Variants in SGCD observed in about 807,000 individuals in gnomAD.
SGCD encodes the protein delta-sarcoglycan.
Under a neutral mutation model 36.6 loss-of-function variants are expected in SGCD, and 18 were observed. The observed-to-expected ratio is 0.49, with a 90% CI of 0.34 to 0.73. The LOEUF (loss-of-function observed/expected upper bound fraction) is 0.73, where lower values mean the gene tolerates loss of function less well. Ranked by LOEUF, SGCD falls within the 30% of genes least tolerant of loss-of-function variation. SGCD has a pLI of 0.01. For missense variants in SGCD, 387 were observed against 346.7 expected (o/e 1.12, Z -0.92); for synonymous variants, 133 against 130.6 (o/e 1.02, Z -0.12).
chr5:155,825,791 C>T, the SGCD span, among the ~76,000 whole-genome samples: 1 of 151,736 alleles, frequency 6.6e-6, no homozygotes, highest in African/African-American at 2.4e-5. Flanking sequence ...CTCTGTCACC[C>T]AAGCTGGAGT....
intron 7 of SGCD, among the ~76,000 whole-genome samples, chr5:156,679,903 C>T (rs1753659130): frequency 1.3e-5 from 2 of 152,164 alleles, no homozygotes; most frequent in South Asian, 4.1e-4. Context: ...CAGGATTTTA[C>T]CTTTTCTTCC....
At chr5:156,701,548 T>A (rs1235819335) in intron 7 of SGCD, among the ~76,000 whole-genome samples, 3 of 152,108 alleles carry the variant, frequency 2.0e-5, no homozygotes, top group African/African-American at 7.2e-5. Context: ...AAGTATCTAA[T>A]TGGGGATGGG....
intron 3 of SGCD, among the ~76,000 whole-genome samples, chr5:156,195,230 A>C (rs555796968): frequency 7.9e-5 from 12 of 152,334 alleles, no homozygotes; most frequent in African/African-American, 2.9e-4. Flanking sequence ...TACTGTGTTC[A>C]AAGAGAGAAG....
intron 7 of SGCD, among the ~76,000 whole-genome samples, chr5:156,725,822 A>G (rs1418254141): frequency 6.6e-6 from 1 of 152,204 alleles, no homozygotes; most frequent in East Asian, 1.9e-4. Context: ...ACACAATATA[A>G]TGAATGATCT....
At chr5:155,954,480 C>G (rs1025360798) in intron 1 of SGCD, among the ~76,000 whole-genome samples, 6 of 151,340 alleles carry the variant, frequency 4.0e-5, no homozygotes, top group Non-Finnish European at 8.8e-5. Context: ...GATTAGCGAT[C>G]TGGGCATGGG....
intron 3 of SGCD, among the ~76,000 whole-genome samples, chr5:156,179,597 A>G (rs909942978): frequency 2.6e-5 from 4 of 151,060 alleles, no homozygotes; most frequent in Admixed American, 6.6e-5. Flanking sequence ...CCTCACCCCA[A>G]TGAATATGTT....
intron 3 of SGCD, among the ~76,000 whole-genome samples, chr5:156,195,441 C>T (rs562010879): frequency 6.6e-6 from 1 of 152,266 alleles, no homozygotes; most frequent in Admixed American, 6.5e-5. Context: ...CATTCTCTTA[C>T]TCAGAAGTCA....
intron 6 of SGCD, among the ~76,000 whole-genome samples, chr5:156,624,718 T>C (rs1327503296): frequency 6.6e-6 from 1 of 151,892 alleles, no homozygotes; most frequent in East Asian, 1.9e-4. Flanking sequence ...TTGAATTAAC[T>C]TTTTTTTTAA....
At chr5:155,835,722 C>T in the SGCD span, among the ~76,000 whole-genome samples, 4 of 152,268 alleles carry the variant, frequency 2.6e-5, no homozygotes, top group South Asian at 2.1e-4. Flanking sequence ...TTGCCCATCT[C>T]GCCTAATGAC....
intron 3 of SGCD, 74 bp from the exon 4 acceptor site, chr5:156,508,527 G>C: frequency 1.2e-6 from 1 of 830,506 alleles, no homozygotes; most frequent in Non-Finnish European, 2.0e-6. Context: ...CTATAACTAC[G>C]TTTTTTACAG....
chr5:156,288,096 T>A (rs1301212458), intron 3 of SGCD, among the ~76,000 whole-genome samples: 2 of 152,196 alleles, frequency 1.3e-5, no homozygotes, highest in Non-Finnish European at 2.9e-5. Flanking sequence ...ACTTATCATG[T>A]TCTTCAGAAT....
chr5:156,314,072 A>G (rs1767453990), intron 3 of SGCD, among the ~76,000 whole-genome samples: 1 of 151,992 alleles, frequency 6.6e-6, no homozygotes. Context: ...CATGATCCCT[A>G]TAGTTACACA....
At chr5:156,023,255 G>A (rs992701970) in intron 1 of SGCD, among the ~76,000 whole-genome samples, 1 of 152,204 alleles carries the variant, frequency 6.6e-6, no homozygotes, top group Non-Finnish European at 1.5e-5. Flanking sequence ...ATTAAAGAAG[G>A]AAAATTTTGA....
chr5:156,076,798 T>A (rs978992006), intron 1 of SGCD, among the ~76,000 whole-genome samples: 1 of 152,200 alleles, frequency 6.6e-6, no homozygotes, highest in African/African-American at 2.4e-5. Context: ...AAAGAGGCTG[T>A]GTTGTAGAGC....
chr5:156,126,226 T>C (rs565548267), intron 3 of SGCD, among the ~76,000 whole-genome samples: 2 of 152,278 alleles, frequency 1.3e-5, no homozygotes, highest in South Asian at 4.1e-4. Context: ...TAAAAAGTTA[T>C]CTGCTTGTCC....
intron 2 of SGCD, among the ~76,000 whole-genome samples, chr5:156,339,708 A>G (rs1007498443): frequency 6.6e-6 from 1 of 152,226 alleles, no homozygotes. Flanking sequence ...ACCATAACTT[A>G]AAAATACCTT....
chr5:156,299,525 G>A (rs904881932), intron 3 of SGCD, among the ~76,000 whole-genome samples: 1 of 152,082 alleles, frequency 6.6e-6, no homozygotes, highest in Non-Finnish European at 1.5e-5. Flanking sequence ...GTTTTGGGTA[G>A]TATGGACATT....
chr5:156,495,459 T>G (rs1380192756), intron 3 of SGCD, among the ~76,000 whole-genome samples: 2 of 152,136 alleles, frequency 1.3e-5, no homozygotes, highest in African/African-American at 4.8e-5. Flanking sequence ...TAACTTGAAA[T>G]CTCATAAAAG....
At chr5:155,890,457 T>C (rs1756097800) in intron 1 of SGCD, among the ~76,000 whole-genome samples, 2 of 151,844 alleles carry the variant, frequency 1.3e-5, no homozygotes, top group Non-Finnish European at 2.9e-5. Context: ...GAACCTTACC[T>C]CTACAAAAAA....
Sources: allele counts gnomAD v4.1 joint callset (sites outside exome capture counted in the v4.1 genomes callset), GRCh38; gene constraint gnomAD v4.1.1; transcripts MANE v1.5; gene names NCBI Gene and HGNC (gene_info 2026-07-23, HGNC 2026-07-21).